The following STK32B variants were observed in gnomAD, a reference collection of about 807,000 sequenced individuals.
The protein encoded by STK32B is serine/threonine-protein kinase 32B.
A neutral mutation model predicts 52.6 loss-of-function variants in STK32B; 43 were observed. The observed-to-expected ratio is 0.82, with a 90% CI of 0.64 to 1.05. The LOEUF (loss-of-function observed/expected upper bound fraction) is 1.05. Among genes scored for constraint, STK32B ranks in the 50% least tolerant of loss-of-function variants. The probability of loss-of-function intolerance (pLI) is 0.00; values close to 1 mark genes in which losing one functional copy is unlikely to be tolerated. For missense variants in STK32B, 621 were observed against 534.6 expected (o/e 1.16, Z -1.59); for synonymous variants, 238 against 204.3 (o/e 1.17, Z -1.41).
rs541818948 is a variant in STK32B, at chr4:5,448,095, A to G, written c.666+1319A>G. Reference sequence around the variant, plus strand: ...TGATGAGAGCAGTTTGTACACCATGAACGCTGTGAGTGCAAATAAGTATTA... The same window carrying G: ...TGATGAGAGCAGTTTGTACACCATGGACGCTGTGAGTGCAAATAAGTATTA... On this transcript the variant is annotated intron_variant, in intron 7 of 11. Transcript: ENST00000282908. Among the ~76,000 whole-genome samples, 7 of 152,328 alleles carry G rather than the reference A, an allele frequency of 4.6e-5. No individual in the cohort carries two copies. In the East Asian group the frequency reaches 1.3e-3, roughly 29 times the overall value.
intron 3 of STK32B, among the ~76,000 whole-genome samples, chr4:5,310,231 T>C (rs919870436): frequency 6.6e-6 from 1 of 152,086 alleles, no homozygotes; most frequent in Admixed American, 6.5e-5. Flanking sequence ...AAGGAAACAA[T>C]CAACAGAGTA....
chr4:5,315,109 A>G (rs567924118), intron 3 of STK32B, among the ~76,000 whole-genome samples: 20 of 152,320 alleles, frequency 1.3e-4, no homozygotes, highest in African/African-American at 4.3e-4. Flanking sequence ...CTATATAGTG[A>G]GTTCTCAAGT....
In STK32B at chr4:5,483,596, G is replaced by T. The variant is rs1577044973; in HGVS notation, c.1107-15349G>T. On this transcript the variant is annotated intron_variant, in intron 11 of 11. Coordinates refer to ENST00000282908, the MANE Select transcript of STK32B (RefSeq NM_018401.3). ...TTGTGTCTCTATTTCCTTCAGTTCT[G>T]CTCTGATCTTAGTTATTTCTTGCCT... is the stretch of plus-strand genomic sequence containing the variant. Among the ~76,000 whole-genome samples the T allele has an allele frequency of 2.0e-5, 3 of 152,112 alleles. 1 individual carries two copies. In the East Asian group the frequency reaches 5.8e-4, roughly 29 times the overall value.
intron 6 of STK32B, among the ~76,000 whole-genome samples, chr4:5,440,252 C>T (rs1001854044): frequency 1.4e-4 from 21 of 152,270 alleles, no homozygotes; most frequent in South Asian, 8.3e-4. Context: ...AATGTTCTTC[C>T]ATTTCTTTGT....
intron 4 of STK32B, among the ~76,000 whole-genome samples, chr4:5,385,754 T>C (rs1403538154): frequency 6.6e-6 from 1 of 152,078 alleles, no homozygotes; most frequent in Non-Finnish European, 1.5e-5. Context: ...CCTCCTGTGC[T>C]GCTCCACCTC....
At chr4:5,463,544 CCACA>C (rs934550203) in intron 9 of STK32B, among the ~76,000 whole-genome samples, 11 of 152,080 alleles carry the variant, frequency 7.2e-5, no homozygotes, top group Admixed American at 6.6e-4. Flanking sequence ...ACACGTGCCC[CCACA>C]CACAGTCTCA....
chr4:5,196,951 G>A (rs915111253), intron 3 of STK32B, among the ~76,000 whole-genome samples: 27 of 151,924 alleles, frequency 1.8e-4, no homozygotes, highest in African/African-American at 7.3e-5. Flanking sequence ...ATGATGCCCC[G>A]TCCTCTCCTT....
intron 4 of STK32B, among the ~76,000 whole-genome samples, chr4:5,374,923 G>T (rs1735487223): frequency 1.3e-5 from 2 of 152,186 alleles, no homozygotes; most frequent in South Asian, 4.1e-4. Flanking sequence ...CCTAAAAGCG[G>T]AGATTAGCAA....
upstream of STK32B, among the ~76,000 whole-genome samples, chr4:5,048,296 A>ATTTT (rs934389483): frequency 6.3e-5 from 7 of 111,858 alleles, no homozygotes; most frequent in African/African-American, 1.4e-4. Context: ...TGCCTGGCTA[A>ATTTT]TTTTTTTTTT....
In STK32B at chr4:5,058,057, T is replaced by G. The variant is rs957015446; in HGVS notation, c.52+6142T>G. Among the ~76,000 whole-genome samples the G allele has an allele frequency of 3.9e-5, 6 of 152,218 alleles. No individual in the cohort carries two copies. Among genetic ancestry groups the G allele is most frequent in the Non-Finnish European group, 5.9e-5 (4 of 68,034 alleles). On this transcript the variant is annotated intron_variant, in intron 1 of 11. Transcript: ENST00000282908. The surrounding 1 kb of genome is among the most constrained non-coding windows in gnomAD (Gnocchi z 4.8). Reference sequence around the variant, plus strand: ...CAACGTTGTTAGCAATCCTGGAGTCTTCTTCTTCTCAGTCCTTGATTTTTG... The same window carrying G: ...CAACGTTGTTAGCAATCCTGGAGTCGTCTTCTTCTCAGTCCTTGATTTTTG...
rs1265822479 is a variant in STK32B, at chr4:5,442,948, C to T, written c.563-3725C>T. ...AATATTGGCCCCCACTCTCTTCTGGCTTGTAGGGTGTCTGCCGAGAGATCC... is the reference window on the plus strand; with the variant it reads ...AATATTGGCCCCCACTCTCTTCTGGTTTGTAGGGTGTCTGCCGAGAGATCC... On this transcript the variant is annotated intron_variant, in intron 6 of 11. Transcript: ENST00000282908. 1.9e-3 allele frequency among the ~76,000 whole-genome samples: 292 copies of T among 152,070 alleles called. 1 individual carries two copies. Among genetic ancestry groups the T allele is most frequent in the African/African-American group, 6.8e-3 (281 of 41,496 alleles).
intron 3 of STK32B, among the ~76,000 whole-genome samples, chr4:5,170,400 C>T (rs2108739315): frequency 6.6e-6 from 1 of 152,160 alleles, no homozygotes; most frequent in East Asian, 1.9e-4. Context: ...TGTTGGTGTG[C>T]TGCACCCATT....
rs1027611912 is a variant in STK32B, at chr4:5,391,846, A to G, written c.435-6361A>G. Reference sequence around the variant, plus strand: ...CTGCCTCCCCTCTCATGCATGTATGATGGTAGCACTTGGCGGTTATCATTA... The same window carrying G: ...CTGCCTCCCCTCTCATGCATGTATGGTGGTAGCACTTGGCGGTTATCATTA... On this transcript the variant is annotated intron_variant, in intron 4 of 11. Transcript: ENST00000282908. 2.6e-5 allele frequency among the ~76,000 whole-genome samples: 4 copies of G among 152,182 alleles called. No homozygotes were observed. In the East Asian group the frequency reaches 7.7e-4, roughly 29 times the overall value.
chr4:5,239,929 C>T (rs1292129153), intron 3 of STK32B, among the ~76,000 whole-genome samples: 5 of 152,102 alleles, frequency 3.3e-5, no homozygotes, highest in African/African-American at 1.2e-4. Context: ...CTGTCTGGGA[C>T]TCTGCATCCT....
At chr4:5,029,977 C>T in the STK32B span, among the ~76,000 whole-genome samples, 1 of 152,132 alleles carries the variant, frequency 6.6e-6, no homozygotes, top group Non-Finnish European at 1.5e-5. Context: ...AGGGGCTCTT[C>T]CCGCTTTGCT....
intron 3 of STK32B, among the ~76,000 whole-genome samples, chr4:5,322,006 TAAA>T (rs71169693): frequency 2.6e-5 from 1 of 37,820 alleles, no homozygotes; most frequent in African/African-American, 1.0e-4. Context: ...CAAGTCAAAT[TAAA>T]AAAAAAAAAA....
intron 6 of STK32B, among the ~76,000 whole-genome samples, chr4:5,444,321 C>G (rs560808211): frequency 1.2e-4 from 19 of 152,338 alleles, no homozygotes; most frequent in Admixed American, 6.5e-4. Flanking sequence ...TTTTTTAAGC[C>G]CGTCGGAAAA....
At chr4:5,139,735 T>A in intron 1 of STK32B, 170 bp from the exon 2 acceptor site, 1 of 636,840 alleles carries the variant, frequency 1.6e-6, no homozygotes, top group South Asian at 2.1e-5. Flanking sequence ...AAAAATGGAA[T>A]GTGCTGCAAA....
chr4:5,155,702 C>G (rs564356735), intron 2 of STK32B, among the ~76,000 whole-genome samples: 101 of 152,256 alleles, frequency 6.6e-4, no homozygotes, highest in African/African-American at 1.9e-3. Flanking sequence ...AGGTGTGGCA[C>G]TTCCTTGCTC....
Sources: allele counts gnomAD v4.1 joint callset (sites outside exome capture counted in the v4.1 genomes callset), GRCh38; gene constraint gnomAD v4.1.1; non-coding constraint Gnocchi (gnomAD v3.1); transcripts MANE v1.5; gene names NCBI Gene and HGNC (gene_info 2026-07-23, HGNC 2026-07-21).